The following SLC14A2 variants were observed in gnomAD, a reference collection of about 807,000 sequenced individuals.
The protein encoded by SLC14A2 is urea transporter 2.
SLC14A2 carries 91 observed loss-of-function variants against 104.6 expected under a neutral mutation model. The observed-to-expected ratio is 0.87, with a 90% CI of 0.73 to 1.04. The LOEUF is 1.04. Among genes scored for constraint, SLC14A2 ranks in the 50% least tolerant of loss-of-function variants. The pLI, the probability that SLC14A2 is intolerant of heterozygous loss-of-function variation, is 0.00. For synonymous variants in SLC14A2, 476 were observed against 466.4 expected (o/e 1.02, Z -0.27); for missense variants, 1,189 against 1,156.0 (o/e 1.03, Z -0.41).
At chr18:45,275,549 C>G (rs1457938647) in intron 1 of SLC14A2, among the ~76,000 whole-genome samples, 1 of 152,140 alleles carries the variant, frequency 6.6e-6, no homozygotes, top group Non-Finnish European at 1.5e-5. Context: ...GCGGTTTCCT[C>G]TTTTTAAGTC....
chr18:45,424,598 T>C (rs2086397838), intron 1 of SLC14A2, among the ~76,000 whole-genome samples: 1 of 152,242 alleles, frequency 6.6e-6, no homozygotes, highest in African/African-American at 2.4e-5. Context: ...ACACTTGCTT[T>C]TTCATTGCTC....
At chr18:45,483,184 G>A (rs1208231584) in intron 1 of SLC14A2, 2 of 151,884 alleles carry the variant, frequency 1.3e-5, no homozygotes, top group African/African-American at 2.4e-5. Context: ...TTCAAGAAGC[G>A]ATTTAAACCC....
chr18:45,307,590 G>A (rs1222724263), intron 1 of SLC14A2, among the ~76,000 whole-genome samples: 2 of 152,036 alleles, frequency 1.3e-5, no homozygotes, highest in Non-Finnish European at 2.9e-5. Flanking sequence ...ACTGAAATGA[G>A]GCTGATCTCC....
intron 1 of SLC14A2, among the ~76,000 whole-genome samples, chr18:45,412,174 A>C (rs2086222553): frequency 1.3e-5 from 2 of 152,332 alleles, no homozygotes; most frequent in South Asian, 4.1e-4. Context: ...TGAAGATTGC[A>C]GAGTAAGGCC....
chr18:45,502,672 A>G (rs915812929), intron 2 of SLC14A2, among the ~76,000 whole-genome samples: 14 of 152,222 alleles, frequency 9.2e-5, no homozygotes, highest in African/African-American at 3.4e-4. Flanking sequence ...GGGAATAGTA[A>G]GATTATGCTC....
chr18:45,321,167 C>T (rs981262091), intron 1 of SLC14A2, among the ~76,000 whole-genome samples: 4 of 152,118 alleles, frequency 2.6e-5, no homozygotes, highest in Non-Finnish European at 5.9e-5. Context: ...AAAGGCAAAT[C>T]CCTGGGCTTC....
chr18:45,247,868 G>C (rs2084382540), intron 1 of SLC14A2, among the ~76,000 whole-genome samples: 1 of 152,154 alleles, frequency 6.6e-6, no homozygotes, highest in Non-Finnish European at 1.5e-5. Context: ...GAATGGAGCT[G>C]ACACAGACAG....
At chr18:45,429,664 T>C (rs925788419) in intron 1 of SLC14A2, among the ~76,000 whole-genome samples, 1 of 152,178 alleles carries the variant, frequency 6.6e-6, no homozygotes, top group Non-Finnish European at 1.5e-5. Context: ...TCAGCCTCAC[T>C]GATGGAGTCT....
intron 1 of SLC14A2, among the ~76,000 whole-genome samples, chr18:45,452,474 A>C (rs1038241703): frequency 7.2e-5 from 11 of 152,204 alleles, no homozygotes; most frequent in Non-Finnish European, 1.3e-4. Context: ...TGGGTACGTG[A>C]CATTTTAGCC....
intron 2 of SLC14A2, among the ~76,000 whole-genome samples, chr18:45,573,141 A>ATAGAT (rs963535370): frequency 1.3e-5 from 2 of 152,318 alleles, no homozygotes; most frequent in African/African-American, 2.4e-5. Context: ...CTTTCAACTA[A>ATAGAT]TAGATTGATT....
rs141507591 is a variant in SLC14A2 at position 45,426,384 on chromosome 18, G to A, written c.-124-56849G>A. 2.4e-3 allele frequency among the ~76,000 whole-genome samples: 359 copies of A among 152,000 alleles called. 1 individual carries two copies. Among genetic ancestry groups the A allele is most frequent in the African/African-American group, 7.9e-3 (328 of 41,448 alleles). On this transcript the variant is annotated intron_variant, in intron 1 of 20. Coordinates refer to the SLC14A2 transcript ENST00000586448. ...CAACTGGATTGTGGTTTTCCTGAAG[G>A]CAGAAGACATGCCTCCTTCAGCGGT...
intron 1 of SLC14A2, among the ~76,000 whole-genome samples, chr18:45,449,259 A>G (rs1291855204): frequency 6.6e-6 from 1 of 152,226 alleles, no homozygotes; most frequent in Non-Finnish European, 1.5e-5. Flanking sequence ...GAAAGAGCAT[A>G]TAGATTGAGA....
intron 6 of SLC14A2, among the ~76,000 whole-genome samples, chr18:45,638,405 C>G (rs2045460558): frequency 6.6e-6 from 1 of 152,174 alleles, no homozygotes; most frequent in Admixed American, 6.5e-5. Flanking sequence ...AGAAATCATA[C>G]TTATTCCAGA....
intron 16 of SLC14A2, among the ~76,000 whole-genome samples, chr18:45,671,281 C>T (rs1217423601): frequency 6.6e-6 from 1 of 152,150 alleles, no homozygotes; most frequent in Admixed American, 6.5e-5. Flanking sequence ...ACCACCACCA[C>T]CACTCCACCA....
At chr18:45,392,040 T>C (rs2085974690) in intron 1 of SLC14A2, among the ~76,000 whole-genome samples, 1 of 152,208 alleles carries the variant, frequency 6.6e-6, no homozygotes, top group Non-Finnish European at 1.5e-5. Context: ...GTTATACCTG[T>C]TTTAGAGATG....
At chr18:45,445,634 T>C (rs2086755623) in intron 1 of SLC14A2, among the ~76,000 whole-genome samples, 2 of 152,176 alleles carry the variant, frequency 1.3e-5, no homozygotes, top group African/African-American at 4.8e-5. Flanking sequence ...GATTGAAAGA[T>C]TGAATGAGTA....
intron 6 of SLC14A2, among the ~76,000 whole-genome samples, chr18:45,637,467 C>T (rs1173063503): frequency 1.3e-5 from 2 of 152,182 alleles, no homozygotes; most frequent in African/African-American, 4.8e-5. Context: ...AAACAGATAA[C>T]ATGCAAGTGA....
chr18:45,529,247 T>G (rs1192258023), intron 2 of SLC14A2: 4 of 152,240 alleles, frequency 2.6e-5, no homozygotes, highest in African/African-American at 9.6e-5. Flanking sequence ...TCAAAACAGC[T>G]ATTTAACCTT....
At chr18:45,188,181 G>A in the SLC14A2 span, among the ~76,000 whole-genome samples, 1 of 152,138 alleles carries the variant, frequency 6.6e-6, no homozygotes, top group Admixed American at 6.6e-5. Flanking sequence ...AAGAGTTAGT[G>A]TTGGTAAACC....
Sources: allele counts gnomAD v4.1 joint callset (sites outside exome capture counted in the v4.1 genomes callset), GRCh38; gene constraint gnomAD v4.1.1; transcripts MANE v1.5; gene names NCBI Gene and HGNC (gene_info 2026-07-23, HGNC 2026-07-21).